Variants in DENND1B observed in about 807,000 individuals in gnomAD.
DENND1B encodes the protein DENN domain containing 1B, also known as DENN domain-containing protein 1B.
A neutral mutation model predicts 90.1 loss-of-function variants in DENND1B; 59 were observed. The observed-to-expected ratio is 0.65, with a 90% CI of 0.53 to 0.81. The LOEUF (loss-of-function observed/expected upper bound fraction) is 0.81, where lower values mean the gene tolerates loss of function less well. Among genes scored for constraint, DENND1B ranks in the 40% least tolerant of loss-of-function variants. The pLI is 0.00. For missense variants in DENND1B, 862 were observed against 912.6 expected (o/e 0.94, Z 0.71); for synonymous variants, 337 against 324.6 (o/e 1.04, Z -0.41).
At chr1:197,760,445 T>C (rs1654896120) in intron 2 of DENND1B, among the ~76,000 whole-genome samples, 1 of 150,650 alleles carries the variant, frequency 6.6e-6, no homozygotes, top group Non-Finnish European at 1.5e-5. Context: ...AGCTCAGGAG[T>C]TCAAGACCAG....
chr1:197,590,977 A>C (rs1675149820), intron 14 of DENND1B, among the ~76,000 whole-genome samples: 1 of 152,196 alleles, frequency 6.6e-6, no homozygotes, highest in Admixed American at 6.5e-5. Context: ...AATTGTAAAC[A>C]CTGTGCATTA....
intron 20 of DENND1B, among the ~76,000 whole-genome samples, chr1:197,520,061 C>G (rs1668665386): frequency 6.6e-6 from 1 of 151,708 alleles, no homozygotes; most frequent in South Asian, 2.1e-4. Context: ...ACTTACAGGT[C>G]CTGATAATGA....
At chr1:197,635,040 G>A (rs527523504) in intron 10 of DENND1B, among the ~76,000 whole-genome samples, 1 of 151,370 alleles carries the variant, frequency 6.6e-6, no homozygotes, top group African/African-American at 2.4e-5. Context: ...AGGAAGGAAG[G>A]GAAGGAAGGA....
chr1:197,504,988 G>A lies in DENND1B; in HGVS notation c.*5472C>T, dbSNP rs1055011054. 4 of 151,656 alleles carry A rather than the reference G, an allele frequency of 2.6e-5. No homozygotes were observed. The highest frequency in any genetic ancestry group is 2.1e-4 in the South Asian group (1 of 4,826). 9.4% of individuals were successfully genotyped at this position (151,656 alleles called of 1,614,324 possible). A position where few individuals can be genotyped will look rare whatever the true frequency, so the allele number is the denominator to read the frequency against. ...TTTTACAGATATCTGCTACCAAGACGAGCAAAAAGCTCAGGGTTTTCAGTC... is the reference window on the plus strand; with the variant it reads ...TTTTACAGATATCTGCTACCAAGACAAGCAAAAAGCTCAGGGTTTTCAGTC... On this transcript the variant is annotated 3_prime_UTR_variant, in exon 23 of 23. Transcript: ENST00000620048.
At chr1:197,765,121 A>G (rs1015713356) in intron 2 of DENND1B, among the ~76,000 whole-genome samples, 13 of 152,220 alleles carry the variant, frequency 8.5e-5, no homozygotes, top group African/African-American at 2.9e-4. Flanking sequence ...TCTCCTAAAT[A>G]AATACTTTTA....
intron 7 of DENND1B, 89 bp from the exon 8 acceptor site, chr1:197,647,203 T>C (rs554157303): frequency 2.6e-6 from 2 of 781,914 alleles, no homozygotes; most frequent in Admixed American, 8.4e-5. Flanking sequence ...GACAAACCCA[T>C]GTAGCCAAGT....
Position 197,593,957 on chromosome 1 carries a change from C to T in DENND1B, c.1047+1251G>A, listed in dbSNP as rs145649158. 1.2e-4 allele frequency among the ~76,000 whole-genome samples: 18 copies of T among 152,088 alleles called. No homozygotes were observed. The East Asian group carries it at 2.9e-3, about 25-fold the overall frequency. On this transcript the variant is annotated intron_variant, in intron 14 of 22. Transcript: ENST00000620048. ...TAACTGATGTTGAACAATTCAAATA[C>T]GAATATGCCCTACTGTAGTATAGAT... is the stretch of plus-strand genomic sequence containing the variant.
At chr1:197,586,740 T>C (rs1674731805) in intron 14 of DENND1B, among the ~76,000 whole-genome samples, 2 of 152,134 alleles carry the variant, frequency 1.3e-5, no homozygotes, top group Admixed American at 1.3e-4. Flanking sequence ...AAAAAGGTAT[T>C]AAAGAAAACA....
At chr1:197,683,659 A>G (rs764643635) in intron 3 of DENND1B, among the ~76,000 whole-genome samples, 20 of 152,202 alleles carry the variant, frequency 1.3e-4, no homozygotes, top group Non-Finnish European at 4.4e-5. Context: ...CAATGTTACG[A>G]AAGATAAATA....
Position 197,713,779 on chromosome 1 carries a change from ATT to A in DENND1B, c.126+1250_126+1251del, listed in dbSNP as rs1480307766. ...AAAAATAATTATATTATATTATTATATTATATTATAATATTATTATATTATAA... is the reference window on the plus strand; with the variant it reads ...AAAAATAATTATATTATATTATTATAATATTATAATATTATTATATTATAA... On this transcript the variant is annotated intron_variant, in intron 3 of 22. Transcript: ENST00000620048. Among the ~76,000 whole-genome samples, 7 of 17,888 alleles carry A rather than the reference ATT, an allele frequency of 3.9e-4. No individual in the cohort carries two copies. In the East Asian group the frequency reaches 9.7e-3, roughly 25 times the overall value. The allele number at this position is 17,888 out of a possible 152,430, so 11.7% of individuals were successfully genotyped here. A position where few individuals can be genotyped will look rare whatever the true frequency, so the allele number is the denominator to read the frequency against.
chr1:197,611,806 T>C (rs887683875), intron 12 of DENND1B, 125 bp downstream of exon 12: 4 of 715,828 alleles, frequency 5.6e-6, no homozygotes, highest in African/African-American at 3.8e-5. Flanking sequence ...ATGATAAGCA[T>C]ACTCTAAATA....
At chr1:197,692,387 C>G (rs959161112) in intron 3 of DENND1B, among the ~76,000 whole-genome samples, 1 of 151,844 alleles carries the variant, frequency 6.6e-6, no homozygotes, top group Non-Finnish European at 1.5e-5. Context: ...AAGCAGTTAG[C>G]ATAGTATACA....
chr1:197,625,170 A>C (rs1366662656), intron 10 of DENND1B, among the ~76,000 whole-genome samples: 1 of 152,034 alleles, frequency 6.6e-6, no homozygotes, highest in Non-Finnish European at 1.5e-5. Context: ...AGAACGCCAC[A>C]AAGATATGCC....
At chr1:197,672,312 T>C (rs1655594751) in intron 4 of DENND1B, among the ~76,000 whole-genome samples, 156 bp from the exon 5 acceptor site, 1 of 152,084 alleles carries the variant, frequency 6.6e-6, no homozygotes, top group African/African-American at 2.4e-5. Context: ...AGAGGAAGTG[T>C]GAAACTTGTA....
chr1:197,610,733 A>G (rs902484568), intron 12 of DENND1B, among the ~76,000 whole-genome samples: 1 of 150,902 alleles, frequency 6.6e-6, no homozygotes, highest in African/African-American at 2.4e-5. Context: ...TATTTTATGT[A>G]ATTTATCCTT....
At chr1:197,633,268 AAT>A (rs1679494184) in intron 10 of DENND1B, among the ~76,000 whole-genome samples, 2 of 152,218 alleles carry the variant, frequency 1.3e-5, no homozygotes, top group South Asian at 4.1e-4. Flanking sequence ...CAGGAATTCA[AAT>A]ATGTGTAGAA....
chr1:197,648,439 T>A (rs1360047590), intron 7 of DENND1B, among the ~76,000 whole-genome samples: 1 of 152,156 alleles, frequency 6.6e-6, no homozygotes, highest in African/African-American at 2.4e-5. Context: ...AATAGCTGGT[T>A]TTTTTGAGAT....
chr1:197,579,606 T>C (rs954081019), intron 15 of DENND1B, among the ~76,000 whole-genome samples: 3 of 152,216 alleles, frequency 2.0e-5, no homozygotes, highest in Non-Finnish European at 4.4e-5. Flanking sequence ...TCAACTACTG[T>C]CTCTGTTCCA....
At chr1:197,648,468 AC>A in intron 7 of DENND1B, among the ~76,000 whole-genome samples, 1 of 152,246 alleles carries the variant, frequency 6.6e-6, no homozygotes. Context: ...GTATTTATTT[AC>A]CCCTGAGCAA....
Sources: allele counts gnomAD v4.1 joint callset (sites outside exome capture counted in the v4.1 genomes callset), GRCh38; gene constraint gnomAD v4.1.1; transcripts MANE v1.5; gene names NCBI Gene and HGNC (gene_info 2026-07-23, HGNC 2026-07-21).